The following SEPTIN6 variants were observed in gnomAD, a reference collection of about 807,000 sequenced individuals.
SEPTIN6 encodes septin 6.
Under a neutral mutation model 33.6 loss-of-function variants are expected in SEPTIN6, and 8 were observed. The observed-to-expected ratio is 0.24, with a 90% CI of 0.14 to 0.43. The LOEUF is 0.43. Ranked by LOEUF, SEPTIN6 falls within the 20% of genes least tolerant of loss-of-function variation. The probability of loss-of-function intolerance (pLI) is 1.00; values close to 1 mark genes in which losing one functional copy is unlikely to be tolerated. For missense variants in SEPTIN6, 250 were observed against 340.8 expected (o/e 0.73, Z 2.10); for synonymous variants, 131 against 140.0 (o/e 0.94, Z 0.45).
rs1398546784 is a variant in SEPTIN6 at position 119,633,410 on chromosome X, C to T, written c.1039G>A (p.Val347Ile). The change falls in exon 8 of 11, where the codon GTC becomes ATC. Residue 347 changes from valine (V) to isoleucine (I), a missense_variant. Coordinates refer to ENST00000394610, the MANE Select transcript of SEPTIN6 (RefSeq NM_145799.4). ...GCTTCTTTCTCTTTGACTCGCTGGA[C>T]GAACATCTGTCTCATCTCCTCTTCT... is the stretch of plus-strand genomic sequence containing the variant. ...KKEEEMRQMFVQRVKEKEAEL... is the reference protein window; with the variant it reads ...KKEEEMRQMFIQRVKEKEAEL... The T allele has an allele frequency of 6.6e-6, 8 of 1,210,945 alleles. No individual in the cohort carries two copies. The highest frequency in any genetic ancestry group is 3.5e-5 in the South Asian group (2 of 56,867).
At chrX:119,668,759 C>T (rs1286991758) in intron 2 of SEPTIN6, among the ~76,000 whole-genome samples, 1 of 111,648 alleles carries the variant, frequency 9.0e-6, no homozygotes, top group Non-Finnish European at 1.9e-5. Flanking sequence ...TCGAGACCAG[C>T]CTGACCAACA....
At chrX:119,623,705 G>A (rs951903137) in intron 10 of SEPTIN6, among the ~76,000 whole-genome samples, 1 of 111,606 alleles carries the variant, frequency 9.0e-6, no homozygotes, top group African/African-American at 3.3e-5. Context: ...CAGGAATGGT[G>A]GCACATGCCT....
intron 10 of SEPTIN6, among the ~76,000 whole-genome samples, chrX:119,621,455 G>GTGTGTGTGTGTT (rs2053761827): frequency 1.1e-5 from 1 of 94,047 alleles, no homozygotes; most frequent in African/African-American, 4.0e-5. Context: ...TGGTGTGTGT[G>GTGTGTGTGTGTT]TGTGTGTGTG....
intron 10 of SEPTIN6, among the ~76,000 whole-genome samples, chrX:119,624,614 A>G (rs1377459359): frequency 2.7e-5 from 3 of 111,513 alleles, no homozygotes; most frequent in African/African-American, 9.8e-5. Context: ...GGGGGATGGG[A>G]GAGGGTTGAT....
At chrX:119,661,450 A>T (rs1305171570) in intron 3 of SEPTIN6, among the ~76,000 whole-genome samples, 5 of 111,894 alleles carry the variant, frequency 4.5e-5, no homozygotes, top group African/African-American at 1.6e-4. Context: ...AAAATAAAAT[A>T]AAAAGAAGCT....
chrX:119,650,445 T>C (rs1280754283), intron 4 of SEPTIN6, among the ~76,000 whole-genome samples: 2 of 94,460 alleles, frequency 2.1e-5, no homozygotes, highest in Admixed American at 2.1e-4. Context: ...AAATCCAAAC[T>C]CAGCCTTATT....
intron 2 of SEPTIN6, among the ~76,000 whole-genome samples, chrX:119,667,966 T>C (rs895674038): frequency 1.5e-4 from 17 of 111,925 alleles, no homozygotes; most frequent in Non-Finnish European, 2.8e-4. Flanking sequence ...TAAAAAAAAT[T>C]AAAACATATA....
chrX:119,630,143 G>A (rs992135690), intron 8 of SEPTIN6, among the ~76,000 whole-genome samples: 3 of 111,659 alleles, frequency 2.7e-5, no homozygotes, highest in African/African-American at 3.2e-5. Context: ...AGAAATTACC[G>A]AGTAATTACA....
intron 2 of SEPTIN6, among the ~76,000 whole-genome samples, chrX:119,672,959 GGTATAT>G (rs1243881069): frequency 2.7e-5 from 3 of 111,170 alleles, no homozygotes; most frequent in Non-Finnish European, 5.7e-5. Context: ...AATGCCTCCA[GGTATAT>G]TTCTCTCCCT....
Position 119,679,715 on chromosome X carries a change from G to A in SEPTIN6, c.31-4047C>T, listed in dbSNP as rs183837815. 6.9e-3 allele frequency among the ~76,000 whole-genome samples: 764 copies of A among 111,038 alleles called. 2 individuals are homozygous for A. The highest frequency in any genetic ancestry group is 0.018 in the African/African-American group (539 of 30,573). Reference sequence around the variant, plus strand: ...TCTACTAAAAATACAAAAATTAGCCGGGCGTGGTGGCGGGAGCCTGTAATC... The same window carrying A: ...TCTACTAAAAATACAAAAATTAGCCAGGCGTGGTGGCGGGAGCCTGTAATC... On this transcript the variant is annotated intron_variant, in intron 1 of 10. Transcript: ENST00000394610.
At chrX:119,684,482 G>GTTTTTTTTTTTTTTTTT (rs1199777223) in intron 1 of SEPTIN6, among the ~76,000 whole-genome samples, 1 of 79,451 alleles carries the variant, frequency 1.3e-5, no homozygotes, top group Non-Finnish European at 2.4e-5. Flanking sequence ...GTTCCCAGAG[G>GTTTTTTTTTTTTTTTTT]TTTTTTTTTT....
chrX:119,635,845 G>A (rs1376407651), intron 7 of SEPTIN6, among the ~76,000 whole-genome samples: 1 of 111,594 alleles, frequency 9.0e-6, no homozygotes, highest in Non-Finnish European at 1.9e-5. Context: ...GAAAGAGCAG[G>A]GTTAAGGGAG....
In SEPTIN6 at chrX:119,663,486, C is replaced by T. The variant is rs2054582359; in HGVS notation, c.337G>A (p.Asp113Asn). ...VGFGDQINKE[D>N]SYKPIVEFID... ...CCACCCCACCGCCTTCTTTACCTGT[C>T]CTCTTTGTTGATCTGGTCCCCAAAG... The change falls in exon 3 of 11, where the codon GAC (aspartate) becomes AAC (asparagine). Residue 113 changes from aspartate (D) to asparagine (N), a missense_variant. Around this residue, in one of 2 missense-constraint regions of SEPTIN6, gnomAD observed 111 missense variants for 113.8 expected, o/e 0.98. Coordinates refer to ENST00000394610, the MANE Select transcript of SEPTIN6 (RefSeq NM_145799.4). 1 of 625,151 alleles carries T rather than the reference C, an allele frequency of 1.6e-6. No individual in the cohort carries two copies. Among genetic ancestry groups the T allele is most frequent in the Non-Finnish European group, 2.3e-6 (1 of 427,607 alleles). The allele number at this position is 625,151 out of a possible 1,213,427, so 51.5% of individuals were successfully genotyped here. A position where few individuals can be genotyped will look rare whatever the true frequency, so the allele number is the denominator to read the frequency against.
At chrX:119,652,179 C>T (rs1430582999) in intron 4 of SEPTIN6, among the ~76,000 whole-genome samples, 2 of 112,054 alleles carry the variant, frequency 1.8e-5, no homozygotes, top group Non-Finnish European at 3.8e-5. Context: ...CTATCTTGGC[C>T]TCCCAAAGTG....
chrX:119,661,375 G>A (rs1432164773), intron 3 of SEPTIN6, among the ~76,000 whole-genome samples: 1 of 111,183 alleles, frequency 9.0e-6, no homozygotes, highest in African/African-American at 3.3e-5. Flanking sequence ...AGCTTGCAGT[G>A]AGCTGAGATC....
intron 1 of SEPTIN6, among the ~76,000 whole-genome samples, chrX:119,679,575 C>T (rs971594905): frequency 8.9e-6 from 1 of 111,868 alleles, no homozygotes; most frequent in Admixed American, 9.5e-5. Context: ...AGGGATGAGC[C>T]TCTGCCGGGA....
At position 119,630,150 on chromosome X, in the gene SEPTIN6, T is replaced by TA. The variant is rs2053935994; in HGVS notation, c.1090-643dup. On this transcript the variant is annotated intron_variant, in intron 8 of 10. Transcript: ENST00000394610. The stretch of plus-strand genomic sequence containing the variant: ...ATAAAAAAAGAAATTACCGAGTAAT[T>TA]ACAGGCTAAGCACTGACTTTTATAA... 2.7e-5 allele frequency among the ~76,000 whole-genome samples: 3 copies of TA among 112,094 alleles called. No individual in the cohort carries two copies. The South Asian group carries it at 1.1e-3, about 41-fold the overall frequency.
rs190329785 is a variant in SEPTIN6, at chrX:119,671,245, G to A, written c.145+4309C>T. Among the ~76,000 whole-genome samples, 418 of 110,032 alleles carry A rather than the reference G, an allele frequency of 3.8e-3. 1 individual carries two copies. The highest frequency in any genetic ancestry group is 6.3e-3 in the Non-Finnish European group (333 of 52,624). Reference sequence around the variant, plus strand: ...AGGACTGCTTGAGCCCAGGAGTTAGGGACCAGCCTGGGCAACATAGTGAGA... The same window carrying A: ...AGGACTGCTTGAGCCCAGGAGTTAGAGACCAGCCTGGGCAACATAGTGAGA... On this transcript the variant is annotated intron_variant, in intron 2 of 10. Transcript: ENST00000394610.
At chrX:119,668,332 G>C (rs974993245) in intron 2 of SEPTIN6, among the ~76,000 whole-genome samples, 1 of 108,728 alleles carries the variant, frequency 9.2e-6, no homozygotes, top group African/African-American at 3.4e-5. Context: ...GAGAGAGAGA[G>C]ACAGAGAGAG....
Sources: gnomAD v4.1 joint callset for allele counts (sites outside exome capture counted in the v4.1 genomes callset) on GRCh38, gnomAD v4.1.1 for gene constraint, gnomAD v4.1.1 regional missense constraint, MANE v1.5 for transcripts, NCBI Gene and HGNC (gene_info 2026-07-23, HGNC 2026-07-21) for gene names.